CCSER1: variants seen among roughly 807,000 people sequenced by gnomAD.
The protein encoded by CCSER1 is coiled-coil serine rich protein 1.
CCSER1 carries 41 observed loss-of-function variants against 82.0 expected under a neutral mutation model. That is an observed-to-expected ratio of 0.50 (90% CI 0.39 to 0.65). The LOEUF (loss-of-function observed/expected upper bound fraction) is 0.65, where lower values mean the gene tolerates loss of function less well. Ranked by LOEUF, CCSER1 falls within the 30% of genes least tolerant of loss-of-function variation. The probability of loss-of-function intolerance (pLI) is 0.00; values close to 1 mark genes in which losing one functional copy is unlikely to be tolerated. For synonymous variants in CCSER1, 414 were observed against 383.9 expected (o/e 1.08, Z -0.92); for missense variants, 1,119 against 1,064.2 (o/e 1.05, Z -0.72).
intron 10 of CCSER1, among the ~76,000 whole-genome samples, chr4:91,217,586 G>T (rs1425502762): frequency 6.6e-6 from 1 of 151,922 alleles, no homozygotes; most frequent in Non-Finnish European, 1.5e-5. Flanking sequence ...AGACATAAAG[G>T]TTCTCCAAGG....
intron 10 of CCSER1, among the ~76,000 whole-genome samples, chr4:91,512,531 C>T (rs1759881311): frequency 6.6e-6 from 1 of 152,130 alleles, no homozygotes; most frequent in African/African-American, 2.4e-5. Flanking sequence ...CTTTCTTGCC[C>T]TCAACTTGAA....
chr4:90,940,546 G>A (rs561671050), intron 9 of CCSER1, among the ~76,000 whole-genome samples: 3 of 152,164 alleles, frequency 2.0e-5, no homozygotes, highest in African/African-American at 7.2e-5. Context: ...TAACGGGGAT[G>A]TTGTTTTTGT....
chr4:90,887,937 A>T lies in CCSER1; in HGVS notation c.2095-35433A>T, dbSNP rs891275934. On this transcript the variant is annotated intron_variant, in intron 8 of 10. Transcript: ENST00000509176. ...ACACAATAATTAGAAATCAACAATGACAGAGAGATCAACACATCTGGAATT... is the reference window on the plus strand; with the variant it reads ...ACACAATAATTAGAAATCAACAATGTCAGAGAGATCAACACATCTGGAATT... Among the ~76,000 whole-genome samples, 64 of 151,292 alleles carry T rather than the reference A, an allele frequency of 4.2e-4. 1 individual carries two copies. Among genetic ancestry groups the T allele is most frequent in the African/African-American group, 1.5e-3 (60 of 41,120 alleles).
intron 10 of CCSER1, among the ~76,000 whole-genome samples, chr4:91,178,791 A>G (rs1213523748): frequency 6.6e-6 from 1 of 151,992 alleles, no homozygotes; most frequent in Non-Finnish European, 1.5e-5. Flanking sequence ...TAATGAGGGC[A>G]TTTAGTCCAT....
intron 10 of CCSER1, among the ~76,000 whole-genome samples, chr4:91,170,827 A>G (rs1350888465): frequency 6.6e-6 from 1 of 152,186 alleles, no homozygotes; most frequent in Non-Finnish European, 1.5e-5. Flanking sequence ...TTATCTGGGA[A>G]ATGATTAACC....
intron 10 of CCSER1, among the ~76,000 whole-genome samples, chr4:91,398,184 T>C (rs1752103678): frequency 6.6e-6 from 1 of 151,968 alleles, no homozygotes; most frequent in Non-Finnish European, 1.5e-5. Flanking sequence ...ATGGTAAACA[T>C]TCAATATAAG....
At chr4:90,755,190 G>A (rs1448902970) in intron 7 of CCSER1, among the ~76,000 whole-genome samples, 1 of 152,130 alleles carries the variant, frequency 6.6e-6, no homozygotes, top group African/African-American at 2.4e-5. Context: ...TGGATACTTT[G>A]CTACTCCAAA....
chr4:91,393,537 C>T (rs1387358926), intron 10 of CCSER1, among the ~76,000 whole-genome samples: 1 of 151,922 alleles, frequency 6.6e-6, no homozygotes, highest in Non-Finnish European at 1.5e-5. Context: ...ACTCTCATTT[C>T]AAAGTAACCT....
At chr4:91,203,502 A>C (rs1489022625) in intron 10 of CCSER1, among the ~76,000 whole-genome samples, 2 of 151,380 alleles carry the variant, frequency 1.3e-5, no homozygotes, top group African/African-American at 4.9e-5. Context: ...AATTAGATAG[A>C]TAATAAACAC....
intron 5 of CCSER1, among the ~76,000 whole-genome samples, chr4:90,601,933 C>A (rs1471329553): frequency 1.3e-5 from 2 of 151,998 alleles, no homozygotes; most frequent in African/African-American, 2.4e-5. Context: ...GACTTGAATT[C>A]TTTTAAATGT....
intron 9 of CCSER1, among the ~76,000 whole-genome samples, chr4:90,923,727 A>G (rs1333844406): frequency 6.6e-6 from 1 of 152,246 alleles, no homozygotes; most frequent in Non-Finnish European, 1.5e-5. Flanking sequence ...GAAGATATGC[A>G]TTAGAAGACT....
chr4:91,433,420 C>T (rs561467486), intron 10 of CCSER1, among the ~76,000 whole-genome samples: 136 of 152,266 alleles, frequency 8.9e-4, no homozygotes, highest in Non-Finnish European at 1.6e-3. Flanking sequence ...AGGCCTTCAC[C>T]GTCACTCAGC....
chr4:91,543,260 T>G (rs905120786), intron 10 of CCSER1, among the ~76,000 whole-genome samples: 8 of 152,158 alleles, frequency 5.3e-5, no homozygotes, highest in African/African-American at 1.2e-4. Flanking sequence ...TATCCAATTT[T>G]CCAGTCTGTG....
At chr4:91,065,366 G>A (rs1330281834) in intron 9 of CCSER1, among the ~76,000 whole-genome samples, 2 of 152,008 alleles carry the variant, frequency 1.3e-5, no homozygotes, top group Non-Finnish European at 2.9e-5. Flanking sequence ...ACAAAACAGT[G>A]ATGTACATTA....
At chr4:91,448,543 T>G (rs773709800) in intron 10 of CCSER1, among the ~76,000 whole-genome samples, 3 of 152,066 alleles carry the variant, frequency 2.0e-5, no homozygotes, top group Non-Finnish European at 2.9e-5. Flanking sequence ...GTTGCTTATT[T>G]TGAGTGTTAA....
At chr4:90,255,064 A>T (rs2153444479) in intron 1 of CCSER1, among the ~76,000 whole-genome samples, 1 of 151,916 alleles carries the variant, frequency 6.6e-6, no homozygotes, top group African/African-American at 2.4e-5. Flanking sequence ...TTCTACCAGT[A>T]ATGGTCTTCT....
chr4:90,191,149 T>G (rs1392670323), intron 1 of CCSER1, among the ~76,000 whole-genome samples: 1 of 151,946 alleles, frequency 6.6e-6, no homozygotes, highest in Non-Finnish European at 1.5e-5. Context: ...TATAAAAAAG[T>G]GGAAGAAAGG....
intron 5 of CCSER1, among the ~76,000 whole-genome samples, chr4:90,530,834 T>C (rs561662192): frequency 2.6e-5 from 4 of 152,164 alleles, no homozygotes; most frequent in Admixed American, 6.5e-5. Context: ...TTCCTTTTGC[T>C]AGTCACATGA....
chr4:90,539,932 C>T (rs2153635309), intron 5 of CCSER1, among the ~76,000 whole-genome samples: 2 of 152,108 alleles, frequency 1.3e-5, no homozygotes, highest in Middle Eastern at 6.8e-3. Flanking sequence ...GGTTGGATTT[C>T]TAACACATTT....
Sources: gnomAD v4.1 joint callset for allele counts (sites outside exome capture counted in the v4.1 genomes callset) on GRCh38, gnomAD v4.1.1 for gene constraint, MANE v1.5 for transcripts, NCBI Gene and HGNC (gene_info 2026-07-23, HGNC 2026-07-21) for gene names.